PDS5B: variants seen among roughly 807,000 people sequenced by gnomAD.
The protein encoded by PDS5B is PDS5 cohesin associated factor B, also known as sister chromatid cohesion protein PDS5 homolog B.
A neutral mutation model predicts 184.1 loss-of-function variants in PDS5B; 51 were observed. The observed-to-expected ratio is 0.28, with a 90% confidence interval of 0.22 to 0.35. The LOEUF (loss-of-function observed/expected upper bound fraction) is 0.35, where lower values mean the gene tolerates loss of function less well. Ranked by LOEUF, PDS5B falls within the 10% of genes least tolerant of loss-of-function variation. The probability of loss-of-function intolerance (pLI) is 1.00; values close to 1 mark genes in which losing one functional copy is unlikely to be tolerated. For missense variants in PDS5B, 1,180 were observed against 1,723.3 expected (o/e 0.68, Z 5.58); for synonymous variants, 566 against 569.2 (o/e 0.99, Z 0.08).
At chr13:32,711,738 T>C (rs923497199) in intron 19 of PDS5B, among the ~76,000 whole-genome samples, 1 of 152,214 alleles carries the variant, frequency 6.6e-6, no homozygotes, top group African/African-American at 2.4e-5. Context: ...AGATCAGAGA[T>C]GAGAGTTTGG....
chr13:32,655,300 A>G (rs538813753), intron 3 of PDS5B, among the ~76,000 whole-genome samples: 3 of 143,610 alleles, frequency 2.1e-5, no homozygotes, highest in South Asian at 4.6e-4. Context: ...GCATTTTTTC[A>G]TATGCATGTT....
Position 32,694,289 on chromosome 13 carries a change from G to T in PDS5B, c.1536G>T (p.Leu512Phe), listed in dbSNP as rs1951636984. Residue 512 changes from leucine (L) to phenylalanine (F), a missense_variant, in exon 14 of 35, where the codon TTG becomes TTT. Leu to Phe is a conservative substitution (Grantham distance 22). Coordinates refer to ENST00000315596, the MANE Select transcript of PDS5B (RefSeq NM_015032.4). ...ATCAAGTAAAGGATTTGCTTGACTT[G>T]ATTAAGCAACCCAAAGTAAGTAAGA... ...LRHQVKDLLD[L>F]IKQPKTDASV... 1.3e-6 allele frequency: 2 copies of T among 1,593,668 alleles called. No homozygotes were observed. The highest frequency in any genetic ancestry group is 1.7e-4 in the Middle Eastern group (1 of 6,018).
rs1438947165 is a variant in PDS5B, at chr13:32,775,661, T to TA, written c.*610dup. 5 of 456,152 alleles carry TA rather than the reference T, an allele frequency of 1.1e-5. No homozygotes were observed. The highest frequency in any genetic ancestry group is 2.4e-5 in the Admixed American group (1 of 42,532). The allele number at this position is 456,152 out of a possible 1,614,324, so 28.3% of individuals were successfully genotyped here. ...CATTACACCAGAAGGATGCCTCTGA[T>TA]AGGAGGACAACCATGCAAATTGTGA... On this transcript the variant is annotated 3_prime_UTR_variant, in exon 35 of 35. Transcript: ENST00000315596.
At chr13:32,640,056 A>G (rs1339664394) in intron 1 of PDS5B, among the ~76,000 whole-genome samples, 1 of 152,152 alleles carries the variant, frequency 6.6e-6, no homozygotes, top group Non-Finnish European at 1.5e-5. Context: ...CAGTGAAAAT[A>G]TCTTACATAT....
chr13:32,760,197 C>G (rs1015743742), intron 29 of PDS5B, among the ~76,000 whole-genome samples: 1 of 152,218 alleles, frequency 6.6e-6, no homozygotes, highest in Admixed American at 6.5e-5. Context: ...CCTCGTGATA[C>G]ACCCGCCTTG....
At chr13:32,729,580 C>G (rs1953029789) in intron 19 of PDS5B, among the ~76,000 whole-genome samples, 1 of 152,156 alleles carries the variant, frequency 6.6e-6, no homozygotes, top group Non-Finnish European at 1.5e-5. Flanking sequence ...AAAAACGTTC[C>G]TATTTCTCCA....
chr13:32,688,481 C>G lies in PDS5B; in HGVS notation c.1381C>G (p.Gln461Glu). The G allele has an allele frequency of 6.3e-7, 1 of 1,596,264 alleles. No homozygotes were observed. Among genetic ancestry groups the G allele is most frequent in the Non-Finnish European group, 8.6e-7 (1 of 1,167,952 alleles). The change falls in exon 13 of 35, where the codon CAA becomes GAA. Residue 461 changes from glutamine to glutamate, a missense_variant. Around this residue, in one of 11 missense-constraint regions of PDS5B, gnomAD observed 475 missense variants for 691.5 expected, o/e 0.69. Coordinates refer to ENST00000315596, the MANE Select transcript of PDS5B (RefSeq NM_015032.4). ...ACTACTTGTTGAACGGATCTTTGCT[C>G]AATACATGGTTCCTCACAATTTAGA... ...DRLLVERIFAQYMVPHNLETT... is the reference protein window; with the variant it reads ...DRLLVERIFAEYMVPHNLETT...
At chr13:32,686,959 A>G (rs894927403) in intron 11 of PDS5B, among the ~76,000 whole-genome samples, 175 bp from the exon 12 acceptor site, 22 of 152,146 alleles carry the variant, frequency 1.4e-4, no homozygotes, top group Admixed American at 5.9e-4. Flanking sequence ...AGAAATATTT[A>G]TGTGATAGTT....
At chr13:32,753,765 A>G (rs966016573) in intron 25 of PDS5B, among the ~76,000 whole-genome samples, 6 of 152,232 alleles carry the variant, frequency 3.9e-5, no homozygotes, top group African/African-American at 1.4e-4. Context: ...GGCCAAGGAA[A>G]ATAAACAATG....
chr13:32,617,560 A>G (rs2058237848), intron 1 of PDS5B, among the ~76,000 whole-genome samples: 1 of 152,204 alleles, frequency 6.6e-6, no homozygotes, highest in Non-Finnish European at 1.5e-5. Context: ...CGTTTGATTC[A>G]GAGGAGGCTG....
chr13:32,610,967 A>G (rs2058132221), intron 1 of PDS5B, among the ~76,000 whole-genome samples: 1 of 151,738 alleles, frequency 6.6e-6, no homozygotes. Flanking sequence ...TGAGGCTGAA[A>G]TTATCACTTT....
chr13:32,597,701 G>A (rs2057900550), intron 1 of PDS5B, among the ~76,000 whole-genome samples: 2 of 151,870 alleles, frequency 1.3e-5, no homozygotes, highest in Non-Finnish European at 1.5e-5. Flanking sequence ...ACAAAAATTA[G>A]TTGGGCATGG....
chr13:32,666,229 C>G (rs547135290), intron 6 of PDS5B, among the ~76,000 whole-genome samples: 2 of 151,984 alleles, frequency 1.3e-5, no homozygotes, highest in African/African-American at 4.8e-5. Context: ...TATAGGCATC[C>G]GCCACCACGC....
chr13:32,605,458 C>G (rs1250475598), intron 1 of PDS5B, among the ~76,000 whole-genome samples: 1 of 152,164 alleles, frequency 6.6e-6, no homozygotes, highest in African/African-American at 2.4e-5. Context: ...AATTTCTATT[C>G]TTTTACATTT....
intron 11 of PDS5B, 37 bp from the exon 12 acceptor site, chr13:32,687,097 C>A (rs746818426): frequency 2.5e-5 from 38 of 1,509,508 alleles, no homozygotes; most frequent in Non-Finnish European, 3.0e-5. Context: ...ATAATGGAAG[C>A]CTTTTTACAT....
At chr13:32,648,132 C>T (rs1459619198) in intron 1 of PDS5B, among the ~76,000 whole-genome samples, 9 of 152,156 alleles carry the variant, frequency 5.9e-5, no homozygotes, top group East Asian at 3.8e-4. Flanking sequence ...GCCTTCTCAG[C>T]GGTTCCCTCT....
intron 19 of PDS5B, among the ~76,000 whole-genome samples, chr13:32,712,710 T>C (rs972183716): frequency 2.6e-5 from 4 of 152,174 alleles, no homozygotes; most frequent in Admixed American, 2.6e-4. Flanking sequence ...AGGATATTGC[T>C]ATATGGACAC....
At chr13:32,613,453 C>G (rs1286445215) in intron 1 of PDS5B, among the ~76,000 whole-genome samples, 2 of 152,146 alleles carry the variant, frequency 1.3e-5, no homozygotes, top group African/African-American at 4.8e-5. Flanking sequence ...AAACTGGTAT[C>G]ACGTTGTGGT....
At chr13:32,667,951 TTG>T in intron 7 of PDS5B, 107 bp downstream of exon 7, 1 of 528,770 alleles carries the variant, frequency 1.9e-6, no homozygotes, top group Non-Finnish European at 3.3e-6. Flanking sequence ...AACAACAAAT[TTG>T]TGTTGTTTTA....
Sources: allele counts gnomAD v4.1 joint callset (sites outside exome capture counted in the v4.1 genomes callset), GRCh38; gene constraint gnomAD v4.1.1; regional missense constraint gnomAD v4.1.1; transcripts MANE v1.5; gene names NCBI Gene and HGNC (gene_info 2026-07-23, HGNC 2026-07-21).